Variants in WNK2 observed in about 807,000 individuals in gnomAD.
WNK2 encodes the protein WNK lysine deficient protein kinase 2, also known as serine/threonine-protein kinase WNK2.
In WNK2, 67 loss-of-function variants were observed where a neutral mutation model predicts 192.1. The ratio of observed to expected loss-of-function variants is 0.35; its 90% CI spans 0.29 to 0.43. The LOEUF (loss-of-function observed/expected upper bound fraction) is 0.43. Among genes scored for constraint, WNK2 ranks in the 20% least tolerant of loss-of-function variants. The pLI, the probability that WNK2 is intolerant of heterozygous loss-of-function variation, is 1.00. For synonymous variants in WNK2, 1,439 were observed against 1,393.9 expected (o/e 1.03, Z -0.72); for missense variants, 2,698 against 3,089.7 (o/e 0.87, Z 3.01).
chr9:93,218,188 TCTC>T lies in WNK2; in HGVS notation c.682-11504_682-11502del, dbSNP rs575667413. Among the ~76,000 whole-genome samples the T allele has an allele frequency of 7.2e-5, 11 of 152,198 alleles. No individual in the cohort carries two copies. The South Asian group carries it at 1.2e-3, about 17-fold the overall frequency. On this transcript the variant is annotated intron_variant, in intron 2 of 29. Coordinates refer to ENST00000427277, the MANE Select transcript of WNK2 (RefSeq NM_006648.4). ...CCCAGTAGCTTGGCCTCTACAGCTG[TCTC>T]CTCAGAATTCTGTGGAACTCCACAG...
In WNK2 at chr9:93,259,393, A is replaced by G. The variant is rs1843821736; in HGVS notation, c.2845A>G (p.Thr949Ala). The stretch of plus-strand genomic sequence containing the variant: ...ACAGCCGGCACTGCCTCCACAACCC[A>G]CACTGCCCCCACAACCCGTGCTGCC... ...PPQPALPPQPTLPPQPVLPPQ... is the reference protein window; with the variant it reads ...PPQPALPPQPALPPQPVLPPQ... The change falls in exon 12 of 30, where the codon ACA becomes GCA. Residue 949 changes from threonine to alanine, a missense_variant. By Grantham distance (58) the Thr-to-Ala change is moderately conservative (BLOSUM62 0). Around this residue, in one of 7 missense-constraint regions of WNK2, gnomAD observed 893 missense variants for 909.0 expected, o/e 0.98. Transcript: ENST00000427277. This position sits in a 1 kb window ranked among gnomAD's most constrained non-coding sequence, Gnocchi z 4.8. 1 of 1,556,330 alleles carries G rather than the reference A, an allele frequency of 6.4e-7. No individual in the cohort carries two copies.
At position 93,293,137 on chromosome 9, in the gene WNK2, C is replaced by A; in HGVS notation, c.5672C>A (p.Ala1891Asp). Reference sequence around the variant, plus strand: ...GACAATGATTCGGAGCTCGAGGATGCTGACATAAAGAAGGAGCTGCAGAGT... The same window carrying A: ...GACAATGATTCGGAGCTCGAGGATGATGACATAAAGAAGGAGCTGCAGAGT... ...SSDNDSELEDADIKKELQSLR... is the reference protein window; with the variant it reads ...SSDNDSELEDDDIKKELQSLR... Residue 1891 changes from alanine to aspartate, a missense_variant, in exon 23 of 30, where the codon GCT (alanine) becomes GAT (aspartate). Ala to Asp is a moderately radical substitution (Grantham distance 126). This residue lies in a region of WNK2 where 1,098 missense variants were observed against 1,101.0 expected (regional missense o/e 1.00). Transcript: ENST00000427277. 6.4e-7 allele frequency: 1 copy of A among 1,567,040 alleles called. No homozygotes were observed. Among genetic ancestry groups the A allele is most frequent in the Non-Finnish European group, 8.6e-7 (1 of 1,159,734 alleles).
At chr9:93,309,861 T>C (rs1026961491) in intron 28 of WNK2, among the ~76,000 whole-genome samples, 1 of 152,398 alleles carries the variant, frequency 6.6e-6, no homozygotes, top group Non-Finnish European at 1.5e-5. Flanking sequence ...CTAATGGTTT[T>C]AGCTGCATCC....
At chr9:93,234,254 C>T (rs1196855373) in intron 4 of WNK2, among the ~76,000 whole-genome samples, 1 of 152,228 alleles carries the variant, frequency 6.6e-6, no homozygotes, top group African/African-American at 2.4e-5. Context: ...TTCTACCCCA[C>T]CCTCATTCAG....
intron 19 of WNK2, among the ~76,000 whole-genome samples, chr9:93,275,584 T>C (rs916541749): frequency 1.3e-5 from 2 of 152,182 alleles, no homozygotes; most frequent in African/African-American, 2.4e-5. Flanking sequence ...TTATTCAGCA[T>C]TGAACTGTCT....
chr9:93,263,663 C>A lies in WNK2; in HGVS notation c.3508C>A (p.His1170Asn). 6.3e-7 allele frequency: 1 copy of A among 1,596,260 alleles called. No homozygotes were observed. Among genetic ancestry groups the A allele is most frequent in the Non-Finnish European group, 8.5e-7 (1 of 1,174,922 alleles). Residue 1170 changes from histidine (H) to asparagine (N), a missense_variant, in exon 15 of 30, where the codon CAC becomes AAC. Transcript: ENST00000427277. The part of the protein sequence containing the change: ...GRLEGRAARK[H>N]HRRSTRARSR... ...GCTGGAGGGCAGGGCAGCCCGAAAA[C>A]ACCACCGCAGGTCCACGCGTGCGCG...
In WNK2 at chr9:93,259,687, G is replaced by A; in HGVS notation, c.3066+73G>A. The A allele has an allele frequency of 7.2e-7, 1 of 1,380,664 alleles. No homozygotes were observed. Among genetic ancestry groups the A allele is most frequent in the South Asian group, 1.5e-5 (1 of 67,544 alleles). The allele number at this position is 1,380,664 out of a possible 1,614,324, so 85.5% of individuals were successfully genotyped here. On this transcript the variant is annotated intron_variant, in intron 12 of 29. Transcript: ENST00000427277. This position sits in a 1 kb window ranked among gnomAD's most constrained non-coding sequence, Gnocchi z 4.8. ...CTCAGGACCCAGAGATGCAAAGGAG[G>A]ACAGAGGCAGGCAAGGAGGCAGCCC...
intron 2 of WNK2, among the ~76,000 whole-genome samples, chr9:93,202,002 A>T (rs564051638): frequency 4.7e-4 from 72 of 152,284 alleles, no homozygotes; most frequent in African/African-American, 1.6e-3. Context: ...TCCACCTGGA[A>T]ACCAGGCTGG....
In WNK2 at chr9:93,284,200, TA is replaced by T. The variant is rs1363718382; in HGVS notation, c.4034-4587del. Among the ~76,000 whole-genome samples, 8 of 152,360 alleles carry T rather than the reference TA, an allele frequency of 5.3e-5. No individual in the cohort carries two copies. In the South Asian group the frequency reaches 1.7e-3, roughly 32 times the overall value. On this transcript the variant is annotated intron_variant, in intron 19 of 29. Coordinates refer to ENST00000427277, the MANE Select transcript of WNK2 (RefSeq NM_006648.4). ...GTCCAGAGAACAAAGAAGCTTGTTT[TA>T]TCAAACTAGCGTAACTTTGACACAA...
rs574251450 is a variant in WNK2, at chr9:93,184,486, C to G, written c.-3+101C>G. ...GCGCCCCTCCCGCGCCCCGGGCCCG[C>G]GTCCTTTGTGGAGCCGCCGCCGGGC... is the stretch of plus-strand genomic sequence containing the variant. On this transcript the variant is annotated intron_variant, in intron 1 of 29. Coordinates refer to ENST00000427277, the MANE Select transcript of WNK2 (RefSeq NM_006648.4). 3.9e-5 allele frequency among the ~76,000 whole-genome samples: 6 copies of G among 152,064 alleles called. No homozygotes were observed. The South Asian group carries it at 6.2e-4, about 16-fold the overall frequency.
chr9:93,235,654 A>G (rs1839687594), intron 5 of WNK2, among the ~76,000 whole-genome samples: 1 of 152,076 alleles, frequency 6.6e-6, no homozygotes, highest in Non-Finnish European at 1.5e-5. Context: ...TTTCTGCACC[A>G]CCCGTCTTGT....
chr9:93,209,757 G>A (rs533794230), intron 2 of WNK2, among the ~76,000 whole-genome samples: 1 of 152,286 alleles, frequency 6.6e-6, no homozygotes, highest in Non-Finnish European at 1.5e-5. Flanking sequence ...GCAGGGTGGA[G>A]TGCGTGCTGA....
rs61753907 is a variant in WNK2, at chr9:93,308,387, G to A, written c.6319G>A (p.Val2107Ile). The change falls in exon 28 of 30, where the codon GTC (valine) becomes ATC (isoleucine). Residue 2107 changes from valine (V) to isoleucine (I), a missense_variant. By Grantham distance (29) the Val-to-Ile change is conservative. Transcript: ENST00000427277. ...PEPGPQPALH[V>I]QAQVNNSNNK... ...GCCAGGCCCCCAGCCCGCCCTGCAC[G>A]TCCAGGCGCAGGTGAACAACAGCAA... 6,004 of 1,573,848 alleles carry A rather than the reference G, an allele frequency of 3.8e-3. 49 individuals carry two copies. The highest frequency in any genetic ancestry group is 0.019 in the South Asian group (1,602 of 85,460).
chr9:93,256,433 G>T lies in WNK2; in HGVS notation c.2169G>T (p.Gln723His). ...PSTPMPTGPG[Q>H]PAPPGQQPPP... is the part of the protein sequence containing the mutation. ...CCCCCATGCCCACGGGCCCAGGCCA[G>T]CCAGCACCCCCCGGCCAGCAGGTGA... The change falls in exon 10 of 30, where the codon CAG (glutamine) becomes CAT (histidine). Residue 723 changes from glutamine (Q) to histidine (H), a missense_variant. Physicochemically the swap from Gln to His is conservative, Grantham distance 24. Coordinates refer to ENST00000427277, the MANE Select transcript of WNK2 (RefSeq NM_006648.4). 1.3e-6 allele frequency: 2 copies of T among 1,533,070 alleles called. No homozygotes were observed. Among genetic ancestry groups the T allele is most frequent in the Non-Finnish European group, 1.7e-6 (2 of 1,145,020 alleles). 95.0% of individuals were successfully genotyped at this position (1,533,070 alleles called of 1,614,324 possible). A position where few individuals can be genotyped will look rare whatever the true frequency, so the allele number is the denominator to read the frequency against.
intron 2 of WNK2, among the ~76,000 whole-genome samples, chr9:93,197,871 G>A (rs965757861): frequency 6.6e-6 from 1 of 152,188 alleles, no homozygotes; most frequent in African/African-American, 2.4e-5. Context: ...CCTGGCTCGG[G>A]TGCTGCATGT....
chr9:93,302,169 T>C (rs1327710673), intron 26 of WNK2, among the ~76,000 whole-genome samples: 1 of 152,152 alleles, frequency 6.6e-6, no homozygotes, highest in Non-Finnish European at 1.5e-5. Context: ...GTGGGGTCTG[T>C]GAGGAGACCA....
Position 93,317,506 on chromosome 9 carries a change from T to C in WNK2, c.6517-14T>C. ...CCACGTGTACCTTCCTCTTCTCGTC[T>C]CTGTGTTTTGTAGATGACCGCACCT... On this transcript the variant is annotated splice_polypyrimidine_tract_variant and intron_variant, in intron 28 of 29. Coordinates refer to ENST00000427277, the MANE Select transcript of WNK2 (RefSeq NM_006648.4). 1 of 1,613,202 alleles carries C rather than the reference T, an allele frequency of 6.2e-7. No homozygotes were observed. The highest frequency in any genetic ancestry group is 8.5e-7 in the Non-Finnish European group (1 of 1,179,688).
rs1003203879 is a variant in WNK2, at chr9:93,184,251, G to C, written c.-137G>C. On this transcript the variant is annotated 5_prime_UTR_variant, in exon 1 of 30. Transcript: ENST00000427277. The stretch of plus-strand genomic sequence containing the variant: ...CGGCCCGAGAGAGCAGCGCGCAGGA[G>C]CTGGAGCGGCGCCACGGCCCCCACC... 2.0e-5 allele frequency among the ~76,000 whole-genome samples: 3 copies of C among 150,872 alleles called. No individual in the cohort carries two copies. The highest frequency in any genetic ancestry group is 1.3e-4 in the Admixed American group (2 of 15,164).
Position 93,273,950 on chromosome 9 carries a change from A to G in WNK2, c.4033+5204A>G, listed in dbSNP as rs1846364751. 4.6e-5 allele frequency among the ~76,000 whole-genome samples: 7 copies of G among 152,240 alleles called. No individual in the cohort carries two copies. In the South Asian group the frequency reaches 1.4e-3, roughly 31 times the overall value. Reference sequence around the variant, plus strand: ...TAAATTTGTGGGATGTAGTTAAAGCAGTACTTAGAGGGAAATTTATAGTAC... The same window carrying G: ...TAAATTTGTGGGATGTAGTTAAAGCGGTACTTAGAGGGAAATTTATAGTAC... On this transcript the variant is annotated intron_variant, in intron 19 of 29. Transcript: ENST00000427277.
Sources: gnomAD v4.1 joint callset for allele counts (sites outside exome capture counted in the v4.1 genomes callset) on GRCh38, gnomAD v4.1.1 for gene constraint, gnomAD v4.1.1 regional missense constraint, Gnocchi (gnomAD v3.1) non-coding constraint, MANE v1.5 for transcripts, NCBI Gene and HGNC (gene_info 2026-07-23, HGNC 2026-07-21) for gene names.